The following PCNX2 variants were observed in gnomAD, a reference collection of about 807,000 sequenced individuals.
PCNX2 encodes the protein pecanex-like protein 2.
In PCNX2, 168 loss-of-function variants were observed where a neutral mutation model predicts 223.8. The observed-to-expected ratio is 0.75, with a 90% CI of 0.66 to 0.85. The LOEUF (loss-of-function observed/expected upper bound fraction) is 0.85, where lower values mean the gene tolerates loss of function less well. Among genes scored for constraint, PCNX2 ranks in the 40% least tolerant of loss-of-function variants. The pLI is 0.00. For missense variants in PCNX2, 2,507 were observed against 2,675.5 expected (o/e 0.94, Z 1.39); for synonymous variants, 1,006 against 1,052.6 (o/e 0.96, Z 0.86).
intron 1 of PCNX2, among the ~76,000 whole-genome samples, chr1:233,281,879 A>G (rs1432346834): frequency 6.6e-6 from 1 of 152,180 alleles, no homozygotes; most frequent in Non-Finnish European, 1.5e-5. Context: ...TGCTATGTAT[A>G]AAGCACCATT....
intron 17 of PCNX2, among the ~76,000 whole-genome samples, chr1:233,165,794 AACTGAT>A (rs1678758848): frequency 6.6e-6 from 1 of 152,206 alleles, no homozygotes; most frequent in Non-Finnish European, 1.5e-5. Context: ...ATTCTCACAA[AACTGAT>A]TGATAAATTC....
intron 23 of PCNX2, among the ~76,000 whole-genome samples, chr1:233,087,620 G>C (rs529668970): frequency 3.9e-5 from 6 of 152,292 alleles, no homozygotes; most frequent in Admixed American, 3.9e-4. Context: ...GAGATTTCCT[G>C]TCACTTCCTT....
chr1:233,258,760 G>T lies in PCNX2; in HGVS notation c.1102C>A (p.Leu368Met). ...ATTTTTATGGGCTCATGTAGACTCAGTGGGTCTCCGGGTTGAGAAGTATCG... is the reference window on the plus strand; with the variant it reads ...ATTTTTATGGGCTCATGTAGACTCATTGGGTCTCCGGGTTGAGAAGTATCG... ...LIDTSQPGDP[L>M]SLHEPIKIVI... Residue 368 changes from leucine to methionine, a missense_variant, in exon 5 of 34, where the codon CTG (leucine) becomes ATG (methionine). Physicochemically the swap from Leu to Met is conservative, Grantham distance 15 (BLOSUM62 2). Transcript: ENST00000258229. The T allele has an allele frequency of 1.2e-6, 2 of 1,613,934 alleles. No individual in the cohort carries two copies. The highest frequency in any genetic ancestry group is 1.7e-6 in the Non-Finnish European group (2 of 1,179,902).
intron 4 of PCNX2, chr1:233,259,963 T>C (rs1277434888): frequency 4.7e-6 from 2 of 429,402 alleles, no homozygotes; most frequent in Non-Finnish European, 6.2e-6. Flanking sequence ...TTAGAGATAA[T>C]TTAAAGTATA....
intron 28 of PCNX2, among the ~76,000 whole-genome samples, chr1:233,009,977 T>A (rs1670408087): frequency 6.6e-6 from 1 of 152,222 alleles, no homozygotes; most frequent in South Asian, 2.1e-4. Context: ...TGCTTTAGAC[T>A]TACATATTTT....
At chr1:233,304,298 A>C in the PCNX2 span, among the ~76,000 whole-genome samples, 2 of 152,180 alleles carry the variant, frequency 1.3e-5, no homozygotes, top group African/African-American at 4.8e-5. Context: ...ATTATTTATA[A>C]TGATATGAGG....
At chr1:233,036,109 C>G (rs1410824111) in intron 25 of PCNX2, among the ~76,000 whole-genome samples, 1 of 152,168 alleles carries the variant, frequency 6.6e-6, no homozygotes, top group Non-Finnish European at 1.5e-5. Context: ...GGGATTCTCA[C>G]CACCCTCCCT....
chr1:233,239,796 C>T (rs930946127), intron 8 of PCNX2, among the ~76,000 whole-genome samples: 1 of 152,178 alleles, frequency 6.6e-6, no homozygotes, highest in African/African-American at 2.4e-5. Context: ...AACATAACTC[C>T]TATGCTTTTA....
At chr1:233,053,193 T>C (rs1369580370) in intron 25 of PCNX2, among the ~76,000 whole-genome samples, 1 of 151,976 alleles carries the variant, frequency 6.6e-6, no homozygotes, top group African/African-American at 2.4e-5. Context: ...CTCACATTAC[T>C]GGGCTTCCAG....
chr1:233,278,183 C>G (rs556334547), intron 1 of PCNX2, among the ~76,000 whole-genome samples: 1 of 120,886 alleles, frequency 8.3e-6, no homozygotes, highest in African/African-American at 3.0e-5. Flanking sequence ...GCAGTCAACA[C>G]TGGGCCCTTT....
intron 19 of PCNX2, among the ~76,000 whole-genome samples, chr1:233,147,604 A>T (rs1677539187): frequency 6.6e-6 from 1 of 152,128 alleles, no homozygotes; most frequent in South Asian, 2.1e-4. Context: ...ATTTATGTGT[A>T]AGTGGACCAC....
intron 23 of PCNX2, chr1:233,058,267 AC>A (rs1438741859): frequency 1.3e-5 from 2 of 155,800 alleles, no homozygotes; most frequent in African/African-American, 4.8e-5. Flanking sequence ...GATGCCATCA[AC>A]CCATGTATGC....
intron 21 of PCNX2, among the ~76,000 whole-genome samples, chr1:233,117,308 A>C (rs1226285295): frequency 6.6e-6 from 1 of 152,180 alleles, no homozygotes; most frequent in Non-Finnish European, 1.5e-5. Context: ...CCCTAATAGC[A>C]AAACCAGACA....
the PCNX2 span, among the ~76,000 whole-genome samples, chr1:233,305,271 T>G: frequency 6.6e-6 from 1 of 152,112 alleles, no homozygotes; most frequent in South Asian, 2.1e-4. Context: ...TTATAATGTA[T>G]AAAGATACAA....
At chr1:233,045,233 G>A (rs1572042733) in intron 25 of PCNX2, among the ~76,000 whole-genome samples, 1 of 152,190 alleles carries the variant, frequency 6.6e-6, no homozygotes, top group Non-Finnish European at 1.5e-5. Flanking sequence ...ACAGCAGAAT[G>A]TACAAGGAAA....
At chr1:233,248,574 C>CA (rs1659264687) in intron 8 of PCNX2, among the ~76,000 whole-genome samples, 1 of 152,070 alleles carries the variant, frequency 6.6e-6, no homozygotes, top group Non-Finnish European at 1.5e-5. Flanking sequence ...AACTAGGCCC[C>CA]AATGACTCAA....
At chr1:233,281,123 GA>G (rs1200820540) in intron 1 of PCNX2, among the ~76,000 whole-genome samples, 1 of 152,196 alleles carries the variant, frequency 6.6e-6, no homozygotes, top group Non-Finnish European at 1.5e-5. Context: ...TATATAGTAA[GA>G]AAAAGTATTT....
At chr1:233,265,434 T>C (rs1318972111) in intron 1 of PCNX2, among the ~76,000 whole-genome samples, 2 of 152,162 alleles carry the variant, frequency 1.3e-5, no homozygotes, top group Non-Finnish European at 2.9e-5. Context: ...CAATGGACAA[T>C]GAGCACAAGT....
At chr1:233,108,938 A>G (rs1674962222) in intron 21 of PCNX2, among the ~76,000 whole-genome samples, 1 of 152,076 alleles carries the variant, frequency 6.6e-6, no homozygotes, top group African/African-American at 2.4e-5. Context: ...TAAAACATAT[A>G]CCAATGGGAG....
Sources: gnomAD v4.1 joint callset for allele counts (sites outside exome capture counted in the v4.1 genomes callset) on GRCh38, gnomAD v4.1.1 for gene constraint, MANE v1.5 for transcripts, NCBI Gene and HGNC (gene_info 2026-07-23, HGNC 2026-07-21) for gene names.